The following PHTF2 variants were observed in gnomAD, a reference collection of about 807,000 sequenced individuals.
The protein encoded by PHTF2 is putative homeodomain transcription factor 2, also known as protein PHTF2.
PHTF2 carries 60 observed loss-of-function variants against 101.2 expected under a neutral mutation model. That is an observed-to-expected ratio of 0.59 (90% CI 0.48 to 0.73). The LOEUF (loss-of-function observed/expected upper bound fraction) is 0.73. PHTF2 is among the 30% of genes least tolerant of loss of function. The pLI is 0.00. For synonymous variants in PHTF2, 311 were observed against 307.3 expected (o/e 1.01, Z -0.13); for missense variants, 747 against 908.7 (o/e 0.82, Z 2.29).
At chr7:77,867,712 T>C (rs532333778) in intron 3 of PHTF2, among the ~76,000 whole-genome samples, 20 of 152,336 alleles carry the variant, frequency 1.3e-4, no homozygotes, top group Middle Eastern at 3.4e-3. Flanking sequence ...AGGAAAAAAT[T>C]ATCTAATAGT....
intron 1 of PHTF2, among the ~76,000 whole-genome samples, chr7:77,809,093 C>T (rs574608912): frequency 5.3e-5 from 8 of 151,984 alleles, no homozygotes; most frequent in Non-Finnish European, 1.0e-4. Flanking sequence ...ATAGCCAGAA[C>T]CAGAGTAGAC....
At chr7:77,947,837 C>CTTTTTTCTTTTTT (rs1806199321) in intron 16 of PHTF2, among the ~76,000 whole-genome samples, 1 of 73,806 alleles carries the variant, frequency 1.4e-5, no homozygotes, top group African/African-American at 5.7e-5. Flanking sequence ...TTTTTTCTTT[C>CTTTTTTCTTTTTT]TTTTTTTTTT....
chr7:77,915,212 ATTATTTT>A (rs958462829), intron 9 of PHTF2, among the ~76,000 whole-genome samples: 3 of 145,630 alleles, frequency 2.1e-5, no homozygotes, highest in South Asian at 4.4e-4. Flanking sequence ...CCTGGCCATT[ATTATTTT>A]TTATTTTTTA....
chr7:77,831,842 T>C (rs1435016140), intron 1 of PHTF2, among the ~76,000 whole-genome samples: 1 of 152,180 alleles, frequency 6.6e-6, no homozygotes, highest in Non-Finnish European at 1.5e-5. Context: ...CACCGAAACT[T>C]AACCAACATT....
At chr7:77,879,685 T>C (rs995427471) in intron 3 of PHTF2, among the ~76,000 whole-genome samples, 3 of 152,212 alleles carry the variant, frequency 2.0e-5, no homozygotes, top group Non-Finnish European at 2.9e-5. Flanking sequence ...GTCAATTATC[T>C]ATCATCTATC....
At chr7:77,926,815 CAA>C (rs1419050574) in intron 11 of PHTF2, among the ~76,000 whole-genome samples, 1 of 148,252 alleles carries the variant, frequency 6.7e-6, no homozygotes, top group African/African-American at 2.5e-5. Context: ...AAAAAAAAAA[CAA>C]AGTACAAAAT....
chr7:77,830,909 T>G (rs1795030565), intron 1 of PHTF2, among the ~76,000 whole-genome samples: 1 of 152,230 alleles, frequency 6.6e-6, no homozygotes, highest in South Asian at 2.1e-4. Context: ...CAGATTTGGT[T>G]AAGCCCACAA....
intron 16 of PHTF2, among the ~76,000 whole-genome samples, chr7:77,945,422 CT>C (rs200320316): frequency 6.6e-6 from 1 of 151,144 alleles, no homozygotes; most frequent in East Asian, 1.9e-4. Flanking sequence ...GAATTGATGA[CT>C]TTTTTTTTCA....
exon 7 of PHTF2, chr7:77,901,778 G>A (rs558574673): frequency 3.7e-5 from 56 of 1,530,572 alleles, no homozygotes; most frequent in Middle Eastern, 3.4e-4. Context: ...CATTTGCAAA[G>A]GCAAAGCCTG....
exon 20 of PHTF2, chr7:77,955,454 A>G (rs770326121): frequency 6.6e-6 from 1 of 152,608 alleles, no homozygotes; most frequent in Non-Finnish European, 1.5e-5. Flanking sequence ...CTCTTTGATG[A>G]TAAAACTTGT....
intron 3 of PHTF2, among the ~76,000 whole-genome samples, chr7:77,889,033 T>C (rs1228084452): frequency 6.6e-6 from 1 of 152,218 alleles, no homozygotes; most frequent in Non-Finnish European, 1.5e-5. Flanking sequence ...GGTAAAATAG[T>C]TGGAAAACCT....
rs986099934 is a variant in PHTF2, at chr7:77,860,004, C to T, written c.147+5170C>T. Among the ~76,000 whole-genome samples, 4 of 152,134 alleles carry T rather than the reference C, an allele frequency of 2.6e-5. No individual in the cohort carries two copies. In the South Asian group the frequency reaches 8.3e-4, roughly 31 times the overall value. On this transcript the variant is annotated intron_variant, in intron 3 of 19. Transcript: ENST00000416283. ...AACAGTTATGAGGTTTCCTTTCTTA[C>T]TTATTATAAATAATAATAACATTCT...
chr7:77,881,552 G>A (rs1218010882), intron 3 of PHTF2, among the ~76,000 whole-genome samples: 2 of 142,818 alleles, frequency 1.4e-5, no homozygotes, highest in Admixed American at 7.0e-5. Context: ...TTCTTTTTTT[G>A]TAGAGATAGG....
At chr7:77,945,479 G>A (rs1166593675) in intron 16 of PHTF2, among the ~76,000 whole-genome samples, 1 of 146,136 alleles carries the variant, frequency 6.8e-6, no homozygotes, top group Non-Finnish European at 1.6e-5. Context: ...AGGCAATAAA[G>A]TAAAAACTAA....
chr7:77,814,219 A>G (rs935278333), intron 1 of PHTF2, among the ~76,000 whole-genome samples: 15 of 152,256 alleles, frequency 9.9e-5, no homozygotes, highest in African/African-American at 3.4e-4. Context: ...TGAATTAGCC[A>G]ATAGTGAAGT....
intron 3 of PHTF2, among the ~76,000 whole-genome samples, chr7:77,880,339 C>A (rs1799303895): frequency 6.6e-6 from 1 of 152,146 alleles, no homozygotes; most frequent in African/African-American, 2.4e-5. Flanking sequence ...TAAATAGGAA[C>A]ATTTTCAGGC....
intron 1 of PHTF2, among the ~76,000 whole-genome samples, chr7:77,819,043 ATTGT>A (rs775147388): frequency 8.6e-5 from 13 of 151,714 alleles, no homozygotes; most frequent in South Asian, 2.1e-4. Context: ...CAGCTAGTTG[ATTGT>A]TTGTGTTTAG....
At chr7:77,819,845 T>C (rs757448456) in intron 1 of PHTF2, among the ~76,000 whole-genome samples, 37 of 152,290 alleles carry the variant, frequency 2.4e-4, no homozygotes, top group Non-Finnish European at 5.0e-4. Flanking sequence ...AAAATTCAGC[T>C]GTGAAGCCAT....
intron 1 of PHTF2, among the ~76,000 whole-genome samples, chr7:77,821,592 T>C (rs1271833514): frequency 5.3e-5 from 8 of 152,028 alleles, no homozygotes. Context: ...TCTCAGGCCC[T>C]TGACATGGCT....
Sources: gnomAD v4.1 joint callset for allele counts (sites outside exome capture counted in the v4.1 genomes callset) on GRCh38, gnomAD v4.1.1 for gene constraint, MANE v1.5 for transcripts, NCBI Gene and HGNC (gene_info 2026-07-23, HGNC 2026-07-21) for gene names.